FBXL13: variants seen among roughly 807,000 people sequenced by gnomAD.
The protein encoded by FBXL13 is F-box and leucine rich repeat protein 13.
Under a neutral mutation model 83.6 loss-of-function variants are expected in FBXL13, and 67 were observed. The observed-to-expected ratio is 0.80, with a 90% CI of 0.66 to 0.98. The LOEUF (loss-of-function observed/expected upper bound fraction) is 0.98. Among genes scored for constraint, FBXL13 ranks in the 50% least tolerant of loss-of-function variants. FBXL13 has a pLI of 0.00. For synonymous variants in FBXL13, 272 were observed against 299.5 expected, an observed-to-expected ratio of 0.91 and a Z score of 0.95; for missense variants, 822 against 866.5, an observed-to-expected ratio of 0.95 and a Z score of 0.64.
intron 8 of FBXL13, among the ~76,000 whole-genome samples, chr7:102,961,475 G>A (rs1425394545): frequency 4.1e-3 from 517 of 125,262 alleles, no homozygotes; most frequent in Non-Finnish European, 4.4e-3. Context: ...CACAGAATTG[G>A]AAAAAACTAC....
intron 8 of FBXL13, chr7:102,939,555 A>G: frequency 6.2e-7 from 1 of 1,613,924 alleles, no homozygotes; most frequent in South Asian, 1.1e-5. Flanking sequence ...ATTAAACCTC[A>G]GCAGCAATGG....
intron 6 of FBXL13, among the ~76,000 whole-genome samples, chr7:102,999,026 CTTCA>C (rs139501605): frequency 0.011 from 1,665 of 151,982 alleles, 34 homozygotes; most frequent in African/African-American, 0.039. Context: ...TTCAATTTTT[CTTCA>C]TTCAGTACGA....
chr7:102,881,481 G>A (rs997171028), intron 14 of FBXL13, among the ~76,000 whole-genome samples: 4 of 148,592 alleles, frequency 2.7e-5, no homozygotes, highest in African/African-American at 1.0e-4. Context: ...GCAGAAGCCT[G>A]CACGAAATGC....
chr7:103,023,349 C>T lies in FBXL13; in HGVS notation c.495+1714G>A, dbSNP rs1228333794. Among the ~76,000 whole-genome samples, 4 of 152,056 alleles carry T rather than the reference C, an allele frequency of 2.6e-5. No homozygotes were observed. In the South Asian group the frequency reaches 6.2e-4, roughly 24 times the overall value. On this transcript the variant is annotated intron_variant, in intron 6 of 19. Transcript: ENST00000313221. Reference sequence around the variant, plus strand: ...AGAGTGGTGAAAACAGACAAACAAACACTTCTTAGAAGACATACAGGCAAC... The same window carrying T: ...AGAGTGGTGAAAACAGACAAACAAATACTTCTTAGAAGACATACAGGCAAC...
chr7:102,841,412 T>C (rs1035391402), intron 17 of FBXL13, among the ~76,000 whole-genome samples: 1 of 152,202 alleles, frequency 6.6e-6, no homozygotes, highest in Non-Finnish European at 1.5e-5. Context: ...AGAACAGATG[T>C]GCACATTCAT....
chr7:102,831,457 C>A (rs1308632948), intron 18 of FBXL13, among the ~76,000 whole-genome samples: 1 of 150,976 alleles, frequency 6.6e-6, no homozygotes, highest in Non-Finnish European at 1.5e-5. Flanking sequence ...TTATCTTGTC[C>A]AAAATATGAA....
At chr7:102,838,688 G>A (rs78538584) in intron 17 of FBXL13, among the ~76,000 whole-genome samples, 7,187 of 152,198 alleles carry the variant, frequency 0.047, 227 homozygotes, top group South Asian at 0.13. Context: ...AAGGTTTAAC[G>A]GATCTAGGGT....
chr7:102,864,739 C>CTTA (rs10659093), intron 16 of FBXL13, among the ~76,000 whole-genome samples: 28,874 of 152,052 alleles, frequency 0.19, 2,984 homozygotes, highest in East Asian at 0.42. Flanking sequence ...GCAAACAAAT[C>CTTA]TTATGTCAGA....
chr7:102,959,235 A>G (rs1278365623), intron 8 of FBXL13, among the ~76,000 whole-genome samples: 2 of 152,126 alleles, frequency 1.3e-5, no homozygotes, highest in Admixed American at 6.6e-5. Flanking sequence ...ATAATCAATC[A>G]GAATTATTCC....
At chr7:102,978,097 A>C (rs923111013) in intron 6 of FBXL13, among the ~76,000 whole-genome samples, 2 of 152,206 alleles carry the variant, frequency 1.3e-5, no homozygotes, top group Non-Finnish European at 2.9e-5. Flanking sequence ...CCTAAAACTT[A>C]AAGTATAATA....
At chr7:102,888,596 G>A (rs1811107746) in intron 11 of FBXL13, among the ~76,000 whole-genome samples, 1 of 152,174 alleles carries the variant, frequency 6.6e-6, no homozygotes, top group Non-Finnish European at 1.5e-5. Context: ...GCAAAGCAGT[G>A]GGAGTGCTGG....
chr7:102,995,553 C>A (rs944428984), intron 6 of FBXL13, among the ~76,000 whole-genome samples: 1 of 148,376 alleles, frequency 6.7e-6, no homozygotes, highest in African/African-American at 2.5e-5. Flanking sequence ...CTTTGGGAGG[C>A]GGAGGCAGAC....
chr7:103,045,383 G>A (rs1387326574), intron 2 of FBXL13, among the ~76,000 whole-genome samples: 1 of 152,204 alleles, frequency 6.6e-6, no homozygotes, highest in African/African-American at 2.4e-5. Flanking sequence ...GCCACATTTA[G>A]TTCACTTTAA....
In FBXL13 at chr7:102,831,394, G is replaced by GACACACACAC. The variant is rs3045618; in HGVS notation, c.1854+1436_1854+1445dup. 9.0e-4 allele frequency among the ~76,000 whole-genome samples: 128 copies of GACACACACAC among 141,648 alleles called. 1 individual carries two copies. The highest frequency in any genetic ancestry group is 2.6e-3 in the African/African-American group (99 of 37,444). The allele number at this position is 141,648 out of a possible 152,430, so 92.9% of individuals were successfully genotyped here. ...GCTGTTAAACATCTACAGTGCCCGG[G>GACACACACAC]ACACACACACACACACACACACACA... is the stretch of plus-strand genomic sequence containing the variant. On this transcript the variant is annotated intron_variant, in intron 18 of 19. Transcript: ENST00000313221.
chr7:102,874,779 C>G (rs1808994986), intron 16 of FBXL13, among the ~76,000 whole-genome samples: 1 of 152,132 alleles, frequency 6.6e-6, no homozygotes, highest in South Asian at 2.1e-4. Context: ...GTTACCCAGG[C>G]TGGTCTCAAA....
At chr7:103,042,605 C>G (rs1795844047) in intron 2 of FBXL13, among the ~76,000 whole-genome samples, 1 of 152,180 alleles carries the variant, frequency 6.6e-6, no homozygotes, top group Admixed American at 6.5e-5. Flanking sequence ...CAGCATGGTA[C>G]TGGTACCAAA....
intron 2 of FBXL13, among the ~76,000 whole-genome samples, chr7:103,037,874 G>A (rs1795226808): frequency 6.6e-6 from 1 of 151,624 alleles, no homozygotes; most frequent in Admixed American, 6.6e-5. Context: ...GCAGCTCCCA[G>A]CGAGATCCAC....
chr7:103,069,248 G>T (rs926994043), intron 1 of FBXL13, among the ~76,000 whole-genome samples: 5 of 152,140 alleles, frequency 3.3e-5, no homozygotes, highest in African/African-American at 9.7e-5. Flanking sequence ...CACCTTCTGG[G>T]AAGTGAGGAG....
At chr7:103,041,603 A>G (rs1795706938) in intron 2 of FBXL13, among the ~76,000 whole-genome samples, 1 of 152,370 alleles carries the variant, frequency 6.6e-6, no homozygotes, top group Non-Finnish European at 1.5e-5. Context: ...ATCCAGCAGC[A>G]CATCAAAAAG....
Sources: gnomAD v4.1 joint callset for allele counts (sites outside exome capture counted in the v4.1 genomes callset) on GRCh38, gnomAD v4.1.1 for gene constraint, MANE v1.5 for transcripts, NCBI Gene and HGNC (gene_info 2026-07-23, HGNC 2026-07-21) for gene names.